The following ROBO1 variants were observed in gnomAD, a reference collection of about 807,000 sequenced individuals.
The protein encoded by ROBO1 is roundabout homolog 1.
ROBO1 carries 149 observed loss-of-function variants against 195.9 expected under a neutral mutation model. The ratio of observed to expected loss-of-function variants is 0.76; its 90% CI spans 0.67 to 0.87. The LOEUF (loss-of-function observed/expected upper bound fraction) is 0.87, where lower values mean the gene tolerates loss of function less well. Among genes scored for constraint, ROBO1 ranks in the 40% least tolerant of loss-of-function variants. The probability of loss-of-function intolerance (pLI) is 0.00; values close to 1 mark genes in which losing one functional copy is unlikely to be tolerated. For missense variants in ROBO1, 1,933 were observed against 2,068.3 expected (o/e 0.93, Z 1.27); for synonymous variants, 816 against 733.2 (o/e 1.11, Z -1.82).
intron 3 of ROBO1, among the ~76,000 whole-genome samples, chr3:79,020,874 T>C (rs2078086799): frequency 6.6e-6 from 1 of 152,136 alleles, no homozygotes; most frequent in Non-Finnish European, 1.5e-5. Flanking sequence ...AGGACAGAAC[T>C]GCGCAATGGA....
chr3:79,163,018 C>T (rs1242574835), intron 2 of ROBO1, among the ~76,000 whole-genome samples: 1 of 151,996 alleles, frequency 6.6e-6, no homozygotes, highest in East Asian at 1.9e-4. Flanking sequence ...CTATGGTAAA[C>T]ACACATAACA....
intron 2 of ROBO1, among the ~76,000 whole-genome samples, chr3:79,399,662 C>T (rs1018327952): frequency 6.6e-6 from 1 of 152,126 alleles, no homozygotes; most frequent in African/African-American, 2.4e-5. Context: ...GACCACATAT[C>T]TCACACTCCA....
intron 4 of ROBO1, among the ~76,000 whole-genome samples, chr3:78,902,872 T>C (rs1329045051): frequency 1.3e-5 from 2 of 152,004 alleles, no homozygotes; most frequent in Non-Finnish European, 2.9e-5. Flanking sequence ...AAAATAAACA[T>C]ATTCATTGGC....
At chr3:78,710,192 C>T (rs2081647955) in intron 8 of ROBO1, among the ~76,000 whole-genome samples, 1 of 152,130 alleles carries the variant, frequency 6.6e-6, no homozygotes, top group African/African-American at 2.4e-5. Flanking sequence ...GCCTCAGCCC[C>T]CCATGTCGCT....
In ROBO1 at chr3:78,614,762, TGGGCCTA is replaced by T; in HGVS notation, c.4314_4320del (p.Arg1439GlnfsTer10). 6.2e-7 allele frequency: 1 copy of T among 1,611,662 alleles called. No homozygotes were observed. Among genetic ancestry groups the T allele is most frequent in the Non-Finnish European group, 8.5e-7 (1 of 1,179,520 alleles). ...TTGCTGTCTGTAGACACGGGACTTG[TGGGCCTA>T]GGGCACTGAGACGCATGAAAATGTC... On this transcript the variant is annotated frameshift_variant, in exon 28 of 31. Transcript: ENST00000464233. LOFTEE classifies it high-confidence loss of function.
At chr3:78,780,052 C>T (rs1024907195) in intron 4 of ROBO1, among the ~76,000 whole-genome samples, 1 of 151,968 alleles carries the variant, frequency 6.6e-6, no homozygotes, top group Non-Finnish European at 1.5e-5. Context: ...GGGAGTTTTA[C>T]AATGAGAACA....
intron 2 of ROBO1, among the ~76,000 whole-genome samples, chr3:79,481,656 AC>A (rs1227644358): frequency 1.3e-5 from 2 of 152,084 alleles, no homozygotes; most frequent in East Asian, 3.9e-4. Context: ...AAATTTTCGA[AC>A]CATTTTTAGT....
chr3:79,305,855 C>T (rs540215406), intron 2 of ROBO1, among the ~76,000 whole-genome samples: 1 of 152,018 alleles, frequency 6.6e-6, no homozygotes, highest in East Asian at 1.9e-4. Flanking sequence ...GTATAAGAAA[C>T]AGAAATAATT....
At position 78,746,796 on chromosome 3, in the gene ROBO1, T is replaced by G. The variant is rs769305613; in HGVS notation, c.604A>C (p.Ile202Leu). 7 of 1,584,094 alleles carry G rather than the reference T, an allele frequency of 4.4e-6. No individual in the cohort carries two copies. In the East Asian group the frequency reaches 1.6e-4, roughly 36 times the overall value. ...QPPRGHPEPT[I>L]SWKKDGSPLD... ...GGAGAGCCATCTTTCTTCCATGAAA[T>G]GGTGGGCTCAGGATGGCCTCGTGGA... The change falls in exon 5 of 31, where the codon ATT becomes CTT. Residue 202 changes from isoleucine to leucine, a missense_variant. Physicochemically the swap from Ile to Leu is conservative, Grantham distance 5. Around this residue, in one of 3 missense-constraint regions of ROBO1, gnomAD observed 1,737 missense variants for 1,882.5 expected, o/e 0.92. Coordinates refer to ENST00000464233, the MANE Select transcript of ROBO1 (RefSeq NM_002941.4).
At chr3:79,675,245 TTA>T (rs1351308554) in intron 1 of ROBO1, among the ~76,000 whole-genome samples, 4 of 152,002 alleles carry the variant, frequency 2.6e-5, no homozygotes, top group South Asian at 4.1e-4. Flanking sequence ...TTTTTTTTAT[TTA>T]TATGTTTGCT....
At chr3:79,085,578 GC>G (rs1425880519) in intron 3 of ROBO1, among the ~76,000 whole-genome samples, 1 of 152,112 alleles carries the variant, frequency 6.6e-6, no homozygotes, top group Non-Finnish European at 1.5e-5. Context: ...CTGATAAAGT[GC>G]TGCTGTACAT....
At chr3:78,748,030 T>C (rs1368194441) in intron 4 of ROBO1, among the ~76,000 whole-genome samples, 2 of 152,230 alleles carry the variant, frequency 1.3e-5, no homozygotes, top group Non-Finnish European at 2.9e-5. Context: ...CTGCTTTCCT[T>C]GATCTGATGT....
intron 2 of ROBO1, among the ~76,000 whole-genome samples, chr3:79,176,226 C>T (rs2081260055): frequency 6.6e-6 from 1 of 152,096 alleles, no homozygotes; most frequent in Non-Finnish European, 1.5e-5. Flanking sequence ...ATTAGTGTTC[C>T]CTGATGTGTA....
intron 29 of ROBO1, among the ~76,000 whole-genome samples, chr3:78,606,008 C>T (rs1703440199): frequency 6.6e-6 from 1 of 152,176 alleles, no homozygotes; most frequent in Admixed American, 6.5e-5. Context: ...ATGTTTCTGA[C>T]ACCTTCATCT....
intron 10 of ROBO1, among the ~76,000 whole-genome samples, chr3:78,681,535 A>G (rs2080908880): frequency 6.6e-6 from 1 of 152,176 alleles, no homozygotes; most frequent in South Asian, 2.1e-4. Context: ...TATAGAACCT[A>G]TATTTGAAGA....
At chr3:79,217,861 A>T (rs1469560270) in intron 2 of ROBO1, among the ~76,000 whole-genome samples, 1 of 151,912 alleles carries the variant, frequency 6.6e-6, no homozygotes, top group Non-Finnish European at 1.5e-5. Context: ...ATTTGATAGA[A>T]TTCCAAGCAA....
chr3:79,734,241 C>G (rs1703284074), intron 1 of ROBO1, among the ~76,000 whole-genome samples: 1 of 152,150 alleles, frequency 6.6e-6, no homozygotes, highest in South Asian at 2.1e-4. Flanking sequence ...GCCACCATGC[C>G]CGGCACCCAT....
chr3:79,073,658 T>G (rs2079124439), intron 3 of ROBO1, among the ~76,000 whole-genome samples: 1 of 151,844 alleles, frequency 6.6e-6, no homozygotes, highest in African/African-American at 2.4e-5. Flanking sequence ...TGCTACCACT[T>G]TGCAGAGAGC....
At chr3:79,531,954 T>G (rs570967606) in intron 2 of ROBO1, among the ~76,000 whole-genome samples, 1 of 151,938 alleles carries the variant, frequency 6.6e-6, no homozygotes, top group African/African-American at 2.4e-5. Flanking sequence ...TAAGAGAGAG[T>G]AGAGAGTTTA....
Sources: gnomAD v4.1 joint callset for allele counts (sites outside exome capture counted in the v4.1 genomes callset) on GRCh38, gnomAD v4.1.1 for gene constraint, gnomAD v4.1.1 regional missense constraint, MANE v1.5 for transcripts, NCBI Gene and HGNC (gene_info 2026-07-23, HGNC 2026-07-21) for gene names.